THSD4: variants seen among roughly 807,000 people sequenced by gnomAD.
THSD4 encodes thrombospondin type-1 domain-containing protein 4.
A neutral mutation model predicts 119.0 loss-of-function variants in THSD4; 69 were observed. That is an observed-to-expected ratio of 0.58 (90% CI 0.48 to 0.71). The LOEUF is 0.71. THSD4 is among the 30% of genes least tolerant of loss of function. THSD4 has a pLI of 0.00. For synonymous variants in THSD4, 524 were observed against 540.4 expected, an observed-to-expected ratio of 0.97 and a Z score of 0.42; for missense variants, 1,393 against 1,391.1, an observed-to-expected ratio of 1.00 and a Z score of -0.02.
intron 7 of THSD4, among the ~76,000 whole-genome samples, chr15:71,598,215 G>A (rs551855141): frequency 6.6e-6 from 1 of 152,164 alleles, no homozygotes; most frequent in Non-Finnish European, 1.5e-5. Flanking sequence ...AGGAAGATGA[G>A]CAAGAAGACC....
intron 7 of THSD4, among the ~76,000 whole-genome samples, chr15:71,425,577 G>A (rs1367357594): frequency 6.6e-6 from 1 of 152,158 alleles, no homozygotes; most frequent in Non-Finnish European, 1.5e-5. Context: ...CAGCCAGATG[G>A]GAATGTGTCA....
At chr15:71,423,357 C>T (rs113255902) in intron 7 of THSD4, among the ~76,000 whole-genome samples, 1,652 of 152,278 alleles carry the variant, frequency 0.011, 12 homozygotes, top group Middle Eastern at 0.034. Flanking sequence ...CATGTACTAC[C>T]TGGTTACTGC....
At chr15:71,328,558 CAAACTGAT>C (rs2045377436) in intron 6 of THSD4, among the ~76,000 whole-genome samples, 1 of 152,192 alleles carries the variant, frequency 6.6e-6, no homozygotes, top group South Asian at 2.1e-4. Flanking sequence ...AACAGTGAAT[CAAACTGAT>C]AATGCCCCCC....
chr15:71,748,658 A>G, intron 14 of THSD4, 64 bp downstream of exon 14: 1 of 1,572,700 alleles, frequency 6.4e-7, no homozygotes. Context: ...AAAACCACAC[A>G]AAGATGAGTC....
At chr15:71,193,973 A>C (rs1462033602) in intron 3 of THSD4, among the ~76,000 whole-genome samples, 1 of 152,082 alleles carries the variant, frequency 6.6e-6, no homozygotes, top group Non-Finnish European at 1.5e-5. Context: ...CGCCTCCCAA[A>C]GTGCTGGGAT....
In THSD4 at chr15:71,746,849, G is replaced by T. The variant is rs1301353807; in HGVS notation, c.2048G>T (p.Gly683Val). ...CATTCCTGAACCAGCTGGGACATCG[G>T]GGAGTGGTCTGAGTGCAGCAAGACC... is the stretch of plus-strand genomic sequence containing the variant. ...IFPCPAFWDI[G>V]EWSECSKTCG... Residue 683 changes from glycine to valine, a missense_variant, in exon 13 of 18, where the codon GGG becomes GTG. Transcript: ENST00000261862. 1 of 1,613,882 alleles carries T rather than the reference G, an allele frequency of 6.2e-7. No individual in the cohort carries two copies. The highest frequency in any genetic ancestry group is 1.7e-5 in the Admixed American group (1 of 60,032).
intron 7 of THSD4, among the ~76,000 whole-genome samples, chr15:71,414,471 T>G (rs1001879143): frequency 1.3e-5 from 2 of 152,314 alleles, no homozygotes; most frequent in African/African-American, 4.8e-5. Flanking sequence ...CTAACAAACT[T>G]CCATGTGATA....
chr15:71,714,649 C>A (rs968735661), intron 8 of THSD4, among the ~76,000 whole-genome samples: 8 of 152,202 alleles, frequency 5.3e-5, no homozygotes, highest in Non-Finnish European at 1.2e-4. Context: ...GAGTTCGAGA[C>A]CAGCCTGACC....
intron 16 of THSD4, among the ~76,000 whole-genome samples, chr15:71,766,297 C>T (rs1349879570): frequency 6.6e-6 from 1 of 152,046 alleles, no homozygotes; most frequent in African/African-American, 2.4e-5. Context: ...GGCCCCATCC[C>T]AGGTGACCAT....
chr15:71,450,345 T>TA, intron 7 of THSD4, among the ~76,000 whole-genome samples: 1 of 152,058 alleles, frequency 6.6e-6, no homozygotes, highest in Non-Finnish European at 1.5e-5. Context: ...ATTGAAGATT[T>TA]TTTTTTTTCT....
At chr15:71,315,938 G>A (rs1008834092) in intron 6 of THSD4, among the ~76,000 whole-genome samples, 1 of 152,126 alleles carries the variant, frequency 6.6e-6, no homozygotes, top group Non-Finnish European at 1.5e-5. Flanking sequence ...TATATATATA[G>A]CCTCATCCTC....
At position 71,590,475 on chromosome 15, in the gene THSD4, G is replaced by T. The variant is rs1487514515; in HGVS notation, c.1153-70055G>T. On this transcript the variant is annotated intron_variant, in intron 7 of 17. Coordinates refer to ENST00000261862, the MANE Select transcript of THSD4 (RefSeq NM_024817.3). ...ACGCAGGAACAGAAAACCAAATACT[G>T]CATGTTCTCACTTATAAGTGGGACC... 3.9e-5 allele frequency among the ~76,000 whole-genome samples: 5 copies of T among 129,478 alleles called. 1 individual carries two copies. The highest frequency in any genetic ancestry group is 8.6e-5 in the Non-Finnish European group (5 of 58,002). 84.9% of individuals were successfully genotyped at this position (129,478 alleles called of 152,430 possible). A position where few individuals can be genotyped will look rare whatever the true frequency, so the allele number is the denominator to read the frequency against.
intron 1 of THSD4, among the ~76,000 whole-genome samples, chr15:71,119,026 G>T (rs2040387332): frequency 6.6e-6 from 1 of 152,166 alleles, no homozygotes; most frequent in African/African-American, 2.4e-5. Flanking sequence ...GCCTCACTGG[G>T]GCCATGCTTA....
intron 15 of THSD4, among the ~76,000 whole-genome samples, chr15:71,758,309 C>T (rs536649343): frequency 6.6e-6 from 1 of 152,360 alleles, no homozygotes; most frequent in Admixed American, 6.5e-5. Context: ...CAGTGAGCAA[C>T]ACAAATATCT....
chr15:71,270,831 CTT>C (rs770020310), intron 6 of THSD4, among the ~76,000 whole-genome samples: 67 of 34,590 alleles, frequency 1.9e-3, no homozygotes, highest in Middle Eastern at 0.012. Context: ...AGCCATCTCT[CTT>C]TTTTTTTTTT....
chr15:71,680,961 C>G (rs1414634173), intron 8 of THSD4, among the ~76,000 whole-genome samples: 1 of 143,124 alleles, frequency 7.0e-6, no homozygotes, highest in East Asian at 2.0e-4. Flanking sequence ...CTCTGTTGCT[C>G]AGGCTGGAGT....
intron 8 of THSD4, among the ~76,000 whole-genome samples, chr15:71,665,758 T>C (rs919961863): frequency 6.6e-6 from 1 of 152,196 alleles, no homozygotes; most frequent in Non-Finnish European, 1.5e-5. Context: ...TAGGGAGTCC[T>C]TTCCCAATTG....
intron 4 of THSD4, among the ~76,000 whole-genome samples, chr15:71,228,993 G>A (rs2044039768): frequency 6.6e-6 from 1 of 152,176 alleles, no homozygotes; most frequent in Non-Finnish European, 1.5e-5. Context: ...AATTTGGGGG[G>A]AAACAATAAT....
chr15:71,226,586 G>A (rs1017017892), intron 4 of THSD4, among the ~76,000 whole-genome samples: 3 of 152,176 alleles, frequency 2.0e-5, no homozygotes, highest in African/African-American at 4.8e-5. Context: ...CATTTCATCG[G>A]TAATAACTTT....
Sources: gnomAD v4.1 joint callset for allele counts (sites outside exome capture counted in the v4.1 genomes callset) on GRCh38, gnomAD v4.1.1 for gene constraint, MANE v1.5 for transcripts, NCBI Gene and HGNC (gene_info 2026-07-23, HGNC 2026-07-21) for gene names.